The following DISC1 variants were observed in gnomAD, a reference collection of about 807,000 sequenced individuals.
The protein encoded by DISC1 is DISC1 scaffold protein.
A neutral mutation model predicts 84.5 loss-of-function variants in DISC1; 57 were observed. The ratio of observed to expected loss-of-function variants is 0.67; its 90% CI spans 0.55 to 0.84. DISC1 has a LOEUF of 0.84. Among genes scored for constraint, DISC1 ranks in the 40% least tolerant of loss-of-function variants. DISC1 has a pLI of 0.00. For missense variants in DISC1, 1,000 were observed against 1,057.8 expected, an observed-to-expected ratio of 0.95 and a Z score of 0.76; for synonymous variants, 411 against 415.2, an observed-to-expected ratio of 0.99 and a Z score of 0.12.
intron 10 of DISC1, among the ~76,000 whole-genome samples, chr1:231,967,583 G>A (rs1661290123): frequency 6.6e-6 from 1 of 152,094 alleles, no homozygotes. Flanking sequence ...AACCATAGCA[G>A]TCTCCATAAA....
chr1:231,671,548 T>G (rs9651121), intron 1 of DISC1, among the ~76,000 whole-genome samples: 2 of 152,048 alleles, frequency 1.3e-5, no homozygotes, highest in Non-Finnish European at 2.9e-5. Flanking sequence ...TCTCCCCAGC[T>G]CAACACATGC....
chr1:231,789,965 CATA>C (rs1241337504), intron 6 of DISC1, among the ~76,000 whole-genome samples: 2 of 151,678 alleles, frequency 1.3e-5, no homozygotes, highest in African/African-American at 4.8e-5. Context: ...TTTAAAAATC[CATA>C]ATAATCATTT....
At chr1:231,984,494 T>TG (rs1322709353) in intron 10 of DISC1, among the ~76,000 whole-genome samples, 1 of 152,066 alleles carries the variant, frequency 6.6e-6, no homozygotes, top group African/African-American at 2.4e-5. Context: ...CCCTAGTGGA[T>TG]GGGGGGCGTG....
rs2063823254 is a variant in DISC1, at chr1:231,682,837, C to T, written c.68-10989C>T. Among the ~76,000 whole-genome samples, 3 of 152,194 alleles carry T rather than the reference C, an allele frequency of 2.0e-5. No individual in the cohort carries two copies. In the South Asian group the frequency reaches 6.2e-4, roughly 31 times the overall value. On this transcript the variant is annotated intron_variant, in intron 1 of 12. Transcript: ENST00000439617. ...AACTACAGATCTTATTCAGATTTCACCAGTATCCTTTTCCTGTTCCCCGAT... is the reference window on the plus strand; with the variant it reads ...AACTACAGATCTTATTCAGATTTCATCAGTATCCTTTTCCTGTTCCCCGAT...
At chr1:231,961,639 T>G (rs937310948) in intron 10 of DISC1, among the ~76,000 whole-genome samples, 2 of 152,186 alleles carry the variant, frequency 1.3e-5, no homozygotes, top group African/African-American at 4.8e-5. Flanking sequence ...GTGTTTGGTT[T>G]TTCGTTCCTA....
chr1:231,895,598 T>G (rs2087623973), intron 9 of DISC1, among the ~76,000 whole-genome samples: 1 of 149,650 alleles, frequency 6.7e-6, no homozygotes. Flanking sequence ...TGGGATAAAC[T>G]CTATTATTCT....
At position 231,701,999 on chromosome 1, in the gene DISC1, A is replaced by T; in HGVS notation, c.1092A>T (p.Ala364=). Residue 364 remains alanine, a synonymous_variant, in exon 3 of 13, where the codon GCA becomes GCT. Transcript: ENST00000439617. ...RLKLQKLQED[A]VENDDYDKAE... ...AACTTCAGAAACTTCAGGAAGATGC[A>T]GTTGAGAATGATGATTATGATAAAG... 2 of 1,608,208 alleles carry T rather than the reference A, an allele frequency of 1.2e-6. No individual in the cohort carries two copies. The highest frequency in any genetic ancestry group is 2.2e-5 in the South Asian group (2 of 89,810).
At chr1:231,883,765 A>G (rs2086465144) in intron 9 of DISC1, among the ~76,000 whole-genome samples, 1 of 152,028 alleles carries the variant, frequency 6.6e-6, no homozygotes. Flanking sequence ...CTACATGGGG[A>G]TGGTGCAATT....
chr1:231,926,893 T>G (rs942671610), intron 9 of DISC1, among the ~76,000 whole-genome samples: 1 of 152,236 alleles, frequency 6.6e-6, no homozygotes, highest in Non-Finnish European at 1.5e-5. Context: ...GAATGAGATT[T>G]TCCCAAGGGG....
At chr1:231,803,031 C>T (rs1488530696) in intron 8 of DISC1, among the ~76,000 whole-genome samples, 4 of 152,128 alleles carry the variant, frequency 2.6e-5, no homozygotes. Context: ...AAATAAGTCA[C>T]TTTAAGACGT....
At chr1:231,818,665 A>C in intron 9 of DISC1, 148 bp downstream of exon 9, 1 of 1,450,918 alleles carries the variant, frequency 6.9e-7, no homozygotes, top group Non-Finnish European at 9.1e-7. Context: ...CATTTTTGGC[A>C]GGTGCCTTGG....
At chr1:231,805,690 T>C (rs1444259675) in intron 8 of DISC1, among the ~76,000 whole-genome samples, 2 of 151,840 alleles carry the variant, frequency 1.3e-5, no homozygotes, top group Admixed American at 6.6e-5. Flanking sequence ...AAATCATTAA[T>C]GAGAAACTGC....
At chr1:231,627,864 A>G (rs1368353446) in intron 1 of DISC1, among the ~76,000 whole-genome samples, 1 of 152,152 alleles carries the variant, frequency 6.6e-6, no homozygotes, top group African/African-American at 2.4e-5. Context: ...CATCAACTGG[A>G]CAAATTTGAA....
chr1:231,797,498 C>A (rs772403531), intron 7 of DISC1, among the ~76,000 whole-genome samples: 1 of 152,152 alleles, frequency 6.6e-6, no homozygotes, highest in Non-Finnish European at 1.5e-5. Context: ...CTCTTACAGG[C>A]TGCAGACGGT....
At chr1:231,722,502 C>G in intron 3 of DISC1, 1 of 1,613,936 alleles carries the variant, frequency 6.2e-7, no homozygotes, top group Non-Finnish European at 8.5e-7. Flanking sequence ...TATTCTGTGT[C>G]CATTCCACTC....
chr1:231,750,116 CT>C lies in DISC1; in HGVS notation c.1268+42del, dbSNP rs2125325275. The stretch of plus-strand genomic sequence containing the variant: ...TTGTCACCATTTTCCCCTCATGTTT[CT>C]TCCTACCTCTCAGCTCCCACATAGT... On this transcript the variant is annotated intron_variant, in intron 4 of 12. Transcript: ENST00000439617. 3 of 1,596,004 alleles carry C rather than the reference CT, an allele frequency of 1.9e-6. No homozygotes were observed. The East Asian group carries it at 6.7e-5, about 36-fold the overall frequency.
chr1:231,649,526 A>C (rs887486534), intron 1 of DISC1, among the ~76,000 whole-genome samples: 1 of 152,208 alleles, frequency 6.6e-6, no homozygotes, highest in Admixed American at 6.5e-5. Context: ...AGAAGAATGT[A>C]TATTCTGTTG....
intron 1 of DISC1, among the ~76,000 whole-genome samples, chr1:231,678,379 A>G (rs2063359488): frequency 6.6e-6 from 1 of 152,122 alleles, no homozygotes; most frequent in East Asian, 1.9e-4. Context: ...TGGCGGAGAC[A>G]TTTGCTTCCA....
In DISC1 at chr1:231,722,700, G is replaced by A. The variant is rs113152539; in HGVS notation, c.1117+20676G>A. 4.9e-5 allele frequency: 77 copies of A among 1,583,476 alleles called. 1 individual carries two copies. In the Admixed American group the frequency reaches 6.7e-4, roughly 14 times the overall value. Reference sequence around the variant, plus strand: ...TCATGAAAAGAAAAAGAGGACCCACGTGGAAGAATACGCTCATTTATGATC... The same window carrying A: ...TCATGAAAAGAAAAAGAGGACCCACATGGAAGAATACGCTCATTTATGATC... On this transcript the variant is annotated intron_variant, in intron 3 of 12. Transcript: ENST00000439617.
Sources: allele counts gnomAD v4.1 joint callset (sites outside exome capture counted in the v4.1 genomes callset), GRCh38; gene constraint gnomAD v4.1.1; transcripts MANE v1.5; gene names NCBI Gene and HGNC (gene_info 2026-07-23, HGNC 2026-07-21).